The following PTPRN2 variants were observed in gnomAD, a reference collection of about 807,000 sequenced individuals.
The protein encoded by PTPRN2 is receptor-type tyrosine-protein phosphatase N2.
A neutral mutation model predicts 118.8 loss-of-function variants in PTPRN2; 74 were observed. That is an observed-to-expected ratio of 0.62 (90% CI 0.52 to 0.76). The LOEUF (loss-of-function observed/expected upper bound fraction) is 0.76, where lower values mean the gene tolerates loss of function less well. Ranked by LOEUF, PTPRN2 falls within the 30% of genes least tolerant of loss-of-function variation. The pLI, the probability that PTPRN2 is intolerant of heterozygous loss-of-function variation, is 0.00. For missense variants in PTPRN2, 1,481 were observed against 1,394.4 expected, an observed-to-expected ratio of 1.06 and a Z score of -0.99; for synonymous variants, 641 against 608.0, an observed-to-expected ratio of 1.05 and a Z score of -0.80.
intron 11 of PTPRN2, among the ~76,000 whole-genome samples, chr7:158,067,283 G>C (rs551751187): frequency 5.3e-5 from 8 of 152,354 alleles, no homozygotes; most frequent in African/African-American, 1.9e-4. Context: ...ATGCCTTGCA[G>C]TCGTCTACCT....
chr7:157,587,440 A>G lies in PTPRN2; in HGVS notation c.2496+7798T>C, dbSNP rs886564779. ...TTGGGTCTTCCACAGTTCCAAGTTC[A>G]GGATTTTTTCTTAACCATAGTAAGA... On this transcript the variant is annotated intron_variant, in intron 17 of 22. Coordinates refer to ENST00000389418, the MANE Select transcript of PTPRN2 (RefSeq NM_002847.5). The surrounding 1 kb of genome is among the most constrained non-coding windows in gnomAD (Gnocchi z 5.3). Among the ~76,000 whole-genome samples, 3 of 152,226 alleles carry G rather than the reference A, an allele frequency of 2.0e-5. No homozygotes were observed. The highest frequency in any genetic ancestry group is 7.2e-5 in the African/African-American group (3 of 41,460).
intron 12 of PTPRN2, among the ~76,000 whole-genome samples, chr7:157,758,761 C>T (rs557749821): frequency 2.8e-4 from 42 of 152,270 alleles, no homozygotes; most frequent in African/African-American, 9.9e-4. Flanking sequence ...CAGCTCCCCA[C>T]GCTACCCCCC....
rs903676729 is a variant in PTPRN2 at position 158,517,669 on chromosome 7, A to T, written c.113-27884T>A. 2.0e-5 allele frequency among the ~76,000 whole-genome samples: 3 copies of T among 152,120 alleles called. No homozygotes were observed. The highest frequency in any genetic ancestry group is 2.9e-5 in the Non-Finnish European group (2 of 68,030). Reference sequence around the variant, plus strand: ...TTAGGGTGGAGTCCAAGCCAGCCTCATGGACAGCGTCTCCAGACTCTTCCC... The same window carrying T: ...TTAGGGTGGAGTCCAAGCCAGCCTCTTGGACAGCGTCTCCAGACTCTTCCC... On this transcript the variant is annotated intron_variant, in intron 1 of 22. Coordinates refer to ENST00000389418, the MANE Select transcript of PTPRN2 (RefSeq NM_002847.5). The surrounding 1 kb of genome is among the most constrained non-coding windows in gnomAD (Gnocchi z 5.3).
chr7:158,388,559 C>A (rs987612332), intron 2 of PTPRN2, among the ~76,000 whole-genome samples: 1 of 152,226 alleles, frequency 6.6e-6, no homozygotes, highest in African/African-American at 2.4e-5. Flanking sequence ...GCCCTGGGTG[C>A]ACCAGGCTCC....
At chr7:157,687,612 C>G (rs1055555220) in intron 12 of PTPRN2, among the ~76,000 whole-genome samples, 1 of 152,132 alleles carries the variant, frequency 6.6e-6, no homozygotes, top group African/African-American at 2.4e-5. Flanking sequence ...TCTCTTAAAA[C>G]TTAGAAGTCA....
At chr7:157,833,031 C>T (rs1431180836) in intron 12 of PTPRN2, among the ~76,000 whole-genome samples, 1 of 151,908 alleles carries the variant, frequency 6.6e-6, no homozygotes, top group Non-Finnish European at 1.5e-5. Flanking sequence ...CCCATCCATC[C>T]TGTATGATGG....
Position 158,083,402 on chromosome 7 carries a change from C to T in PTPRN2, c.1644-2025G>A, listed in dbSNP as rs553137536. Reference sequence around the variant, plus strand: ...GCTCAGCCACAGGGCTTCAAGCTTACACACGGCATCTGTGAAACTGTAATC... The same window carrying T: ...GCTCAGCCACAGGGCTTCAAGCTTATACACGGCATCTGTGAAACTGTAATC... On this transcript the variant is annotated intron_variant, in intron 10 of 22. Coordinates refer to ENST00000389418, the MANE Select transcript of PTPRN2 (RefSeq NM_002847.5). 4.6e-5 allele frequency among the ~76,000 whole-genome samples: 7 copies of T among 152,312 alleles called. No homozygotes were observed. In the South Asian group the frequency reaches 6.2e-4, roughly 14 times the overall value.
chr7:158,019,794 A>T (rs374809114), intron 11 of PTPRN2, among the ~76,000 whole-genome samples: 1 of 152,240 alleles, frequency 6.6e-6, no homozygotes, highest in Admixed American at 6.5e-5. Flanking sequence ...GCGCAGCATG[A>T]AACGGACCCT....
At position 158,205,786 on chromosome 7, in the gene PTPRN2, C is replaced by T. The variant is rs146876162; in HGVS notation, c.278-513G>A. Among the ~76,000 whole-genome samples, 114 of 152,270 alleles carry T rather than the reference C, an allele frequency of 7.5e-4. 1 individual carries two copies. In the East Asian group the frequency reaches 0.019, roughly 25 times the overall value. ...ACGCATGCACTTGGGAGAGAGAGCACAGTGATAGTGGGACTTGGTATTGGA... is the reference window on the plus strand; with the variant it reads ...ACGCATGCACTTGGGAGAGAGAGCATAGTGATAGTGGGACTTGGTATTGGA... On this transcript the variant is annotated intron_variant, in intron 3 of 22. Coordinates refer to ENST00000389418, the MANE Select transcript of PTPRN2 (RefSeq NM_002847.5).
At chr7:157,988,268 T>G (rs575652086) in intron 11 of PTPRN2, among the ~76,000 whole-genome samples, 1 of 152,008 alleles carries the variant, frequency 6.6e-6, no homozygotes, top group East Asian at 2.0e-4. Context: ...CTTTGTGCTT[T>G]GGTCACACGG....
intron 2 of PTPRN2, among the ~76,000 whole-genome samples, chr7:158,386,496 G>T (rs139480383): frequency 6.6e-6 from 1 of 151,938 alleles, no homozygotes; most frequent in Non-Finnish European, 1.5e-5. Flanking sequence ...AATTCCCCTC[G>T]GGACCAGGGT....
At chr7:158,496,527 C>T (rs1821893231) in intron 1 of PTPRN2, among the ~76,000 whole-genome samples, 1 of 28,822 alleles carries the variant, frequency 3.5e-5, no homozygotes, top group Admixed American at 3.3e-4. Flanking sequence ...AGCCTCCCCT[C>T]CCCTTCCCTG....
At chr7:158,155,215 G>C (rs532656965) in intron 6 of PTPRN2, among the ~76,000 whole-genome samples, 1 of 152,190 alleles carries the variant, frequency 6.6e-6, no homozygotes, top group Non-Finnish European at 1.5e-5. Flanking sequence ...CCACAGCCAG[G>C]CCTATTGAAA....
chr7:157,680,789 A>G (rs952224856), intron 13 of PTPRN2, among the ~76,000 whole-genome samples: 1 of 152,366 alleles, frequency 6.6e-6, no homozygotes, highest in Admixed American at 6.5e-5. Context: ...CCTAGATCAC[A>G]TTTTTAAAGA....
chr7:157,873,481 C>T (rs13312380), intron 12 of PTPRN2, among the ~76,000 whole-genome samples: 122 of 118,860 alleles, frequency 1.0e-3, no homozygotes, highest in Middle Eastern at 6.0e-3. Context: ...GAGAACGTAC[C>T]GTCCTCAAGG....
chr7:158,007,028 G>C (rs894275699), intron 11 of PTPRN2, among the ~76,000 whole-genome samples: 1 of 152,126 alleles, frequency 6.6e-6, no homozygotes, highest in Non-Finnish European at 1.5e-5. Context: ...TCCGGGCTTC[G>C]GTTTCTCCTG....
At chr7:157,878,522 G>A (rs544903289) in intron 12 of PTPRN2, among the ~76,000 whole-genome samples, 1 of 141,114 alleles carries the variant, frequency 7.1e-6, no homozygotes, top group East Asian at 2.2e-4. Flanking sequence ...AGGAGCTCTC[G>A]GATTCCGTGG....
intron 9 of PTPRN2, among the ~76,000 whole-genome samples, chr7:158,116,340 T>A (rs1448500765): frequency 2.0e-5 from 3 of 152,224 alleles, no homozygotes; most frequent in African/African-American, 7.2e-5. Context: ...CTGACAACAC[T>A]GTGCTAGTAG....
chr7:157,914,123 T>C (rs1045945137), intron 11 of PTPRN2, among the ~76,000 whole-genome samples: 2 of 152,254 alleles, frequency 1.3e-5, no homozygotes, highest in Non-Finnish European at 2.9e-5. Context: ...ATTCCAATTT[T>C]AATTCTCAAT....
Sources: allele counts gnomAD v4.1 joint callset (sites outside exome capture counted in the v4.1 genomes callset), GRCh38; gene constraint gnomAD v4.1.1; non-coding constraint Gnocchi (gnomAD v3.1); transcripts MANE v1.5; gene names NCBI Gene and HGNC (gene_info 2026-07-23, HGNC 2026-07-21).